Variants in PPP4R3A observed in about 807,000 individuals in gnomAD.
The protein encoded by PPP4R3A is protein phosphatase 4 regulatory subunit 3A.
A neutral mutation model predicts 91.7 loss-of-function variants in PPP4R3A; 15 were observed. The observed-to-expected ratio is 0.16, with a 90% confidence interval of 0.11 to 0.25. The LOEUF is 0.25. Among genes scored for constraint, PPP4R3A ranks in the 10% least tolerant of loss-of-function variants. The probability of loss-of-function intolerance (pLI) is 1.00; values close to 1 mark genes in which losing one functional copy is unlikely to be tolerated. For missense variants in PPP4R3A, 623 were observed against 998.4 expected, an observed-to-expected ratio of 0.62 and a Z score of 5.07; for synonymous variants, 377 against 348.7, an observed-to-expected ratio of 1.08 and a Z score of -0.91.
At position 91,458,791 on chromosome 14, in the gene PPP4R3A, G is replaced by A; in HGVS notation, c.2470C>T (p.Pro824Ser). 2 of 1,614,070 alleles carry A rather than the reference G, an allele frequency of 1.2e-6. No individual in the cohort carries two copies. The highest frequency in any genetic ancestry group is 2.2e-5 in the East Asian group (1 of 44,874). ...DEDEDKEDTLPLSKKAKFDS is the reference protein window; with the variant it reads ...DEDEDKEDTLSLSKKAKFDS ...TCAAATTTTGCTTTCTTTGACAATG[G>A]TAACGTATCTTCCTTATCTTCATCC... The change falls in exon 15 of 15, where the codon CCA (proline) becomes TCA (serine). Residue 824 changes from proline (P) to serine (S), a missense_variant. This residue lies in a region of PPP4R3A where 201 missense variants were observed against 229.9 expected (regional missense o/e 0.87). Transcript: ENST00000554943.
rs539710845 is a variant in PPP4R3A, at chr14:91,502,903, G to T, written c.142+6603C>A. Among the ~76,000 whole-genome samples, 4 of 152,340 alleles carry T rather than the reference G, an allele frequency of 2.6e-5. No homozygotes were observed. The East Asian group carries it at 7.7e-4, about 29-fold the overall frequency. On this transcript the variant is annotated intron_variant, in intron 1 of 14. Transcript: ENST00000554943. ...TTCTGGATGCCTTGGCAAGTACTTC[G>T]TAATAAGGAGCACAAATATGATTAT... is the stretch of plus-strand genomic sequence containing the variant.
chr14:91,473,209 T>C (rs577384042), intron 8 of PPP4R3A, 30 bp downstream of exon 8: 63 of 1,612,116 alleles, frequency 3.9e-5, no homozygotes, highest in South Asian at 2.1e-4. Context: ...ATACTAGCTA[T>C]GAAAAAGAGG....
At chr14:91,497,618 T>C (rs569435366) in intron 1 of PPP4R3A, among the ~76,000 whole-genome samples, 2 of 152,324 alleles carry the variant, frequency 1.3e-5, no homozygotes, top group East Asian at 3.9e-4. Context: ...AATTGATATG[T>C]GCACTTGGAC....
At chr14:91,471,109 A>T in intron 9 of PPP4R3A, 114 bp from the exon 10 acceptor site, 4 of 963,346 alleles carry the variant, frequency 4.2e-6, no homozygotes, top group Non-Finnish European at 5.9e-6. Context: ...TAAATATATT[A>T]ACTTTAGGGA....
In PPP4R3A at chr14:91,458,827, C is replaced by T. The variant is rs1887935012; in HGVS notation, c.2434G>A (p.Asp812Asn). ...TCCTTATCTTCATCCTCATCATCAT[C>T]TTCATCATCATCAGGATAATCTACC... The part of the protein sequence containing the change: ...GLVDYPDDDE[D>N]DDEDEDKEDT... Residue 812 changes from aspartate to asparagine, a missense_variant, in exon 15 of 15, where the codon GAT (aspartate) becomes AAT (asparagine). Asp to Asn is a conservative substitution (Grantham distance 23, BLOSUM62 1). Around this residue, in one of 5 missense-constraint regions of PPP4R3A, gnomAD observed 201 missense variants for 229.9 expected, o/e 0.87. Coordinates refer to ENST00000554943, the MANE Select transcript of PPP4R3A (RefSeq NM_001366432.2). 1 of 1,613,640 alleles carries T rather than the reference C, an allele frequency of 6.2e-7. No individual in the cohort carries two copies. The highest frequency in any genetic ancestry group is 8.5e-7 in the Non-Finnish European group (1 of 1,179,706).
chr14:91,478,883 A>T (rs945656961), intron 4 of PPP4R3A, among the ~76,000 whole-genome samples: 12 of 152,206 alleles, frequency 7.9e-5, no homozygotes, highest in African/African-American at 2.9e-4. Flanking sequence ...TTCTATACTT[A>T]ACAAATTCAG....
intron 1 of PPP4R3A, among the ~76,000 whole-genome samples, chr14:91,506,494 C>T (rs572598220): frequency 8.5e-5 from 13 of 152,230 alleles, no homozygotes; most frequent in South Asian, 2.1e-4. Context: ...TGTTAATCAT[C>T]GACTAAAGAT....
chr14:91,469,560 T>C (rs35732175), intron 10 of PPP4R3A, among the ~76,000 whole-genome samples: 37,850 of 152,216 alleles, frequency 0.25, 5,625 homozygotes, highest in Non-Finnish European at 0.35. Flanking sequence ...TTTTATAAAA[T>C]ATAAAATTTA....
intron 4 of PPP4R3A, among the ~76,000 whole-genome samples, chr14:91,480,227 A>G (rs1349501451): frequency 6.6e-6 from 1 of 152,204 alleles, no homozygotes; most frequent in Non-Finnish European, 1.5e-5. Flanking sequence ...ACATCATATT[A>G]AACACTTTCT....
At chr14:91,470,345 G>A (rs1348867634) in intron 10 of PPP4R3A, among the ~76,000 whole-genome samples, 1 of 152,126 alleles carries the variant, frequency 6.6e-6, no homozygotes, top group African/African-American at 2.4e-5. Flanking sequence ...GAACAATCTT[G>A]TTATGAGACT....
At chr14:91,485,568 G>A in intron 3 of PPP4R3A, 64 bp downstream of exon 3, 1 of 1,146,278 alleles carries the variant, frequency 8.7e-7, no homozygotes, top group Non-Finnish European at 1.3e-6. Context: ...GGCATTAGTT[G>A]AAAGCATGGC....
chr14:91,497,363 C>T (rs1321279926), intron 1 of PPP4R3A, among the ~76,000 whole-genome samples: 2 of 151,492 alleles, frequency 1.3e-5, no homozygotes, highest in East Asian at 3.9e-4. Flanking sequence ...CACACACACA[C>T]ACACACACAC....
intron 1 of PPP4R3A, among the ~76,000 whole-genome samples, chr14:91,499,251 C>T (rs567227986): frequency 1.7e-4 from 25 of 151,280 alleles, no homozygotes; most frequent in African/African-American, 4.9e-4. Flanking sequence ...GGCGACAGAG[C>T]GAGACCCTGT....
intron 1 of PPP4R3A, among the ~76,000 whole-genome samples, chr14:91,508,588 T>C (rs1891557175): frequency 6.6e-6 from 1 of 152,222 alleles, no homozygotes; most frequent in Non-Finnish European, 1.5e-5. Context: ...ATTCACTGTA[T>C]ATCGCCAAAA....
chr14:91,505,908 A>G (rs1288711280), intron 1 of PPP4R3A, among the ~76,000 whole-genome samples: 1 of 152,216 alleles, frequency 6.6e-6, no homozygotes, highest in African/African-American at 2.4e-5. Context: ...AGTCAACACA[A>G]AAACATCCAT....
chr14:91,495,479 G>A (rs1890500444), intron 1 of PPP4R3A, among the ~76,000 whole-genome samples: 1 of 151,956 alleles, frequency 6.6e-6, no homozygotes, highest in Admixed American at 6.6e-5. Context: ...GTCCAGATAG[G>A]TAAATTTAGA....
chr14:91,462,377 T>G, intron 12 of PPP4R3A, 138 bp from the exon 13 acceptor site: 3 of 931,734 alleles, frequency 3.2e-6, no homozygotes, highest in Non-Finnish European at 2.9e-6. Flanking sequence ...AATCCAGGTA[T>G]TTAGATTAAT....
chr14:91,501,347 C>T (rs1890937386), intron 1 of PPP4R3A, among the ~76,000 whole-genome samples: 1 of 152,154 alleles, frequency 6.6e-6, no homozygotes, highest in Non-Finnish European at 1.5e-5. Context: ...CAGCTCAACC[C>T]ATCAGCTTCT....
chr14:91,469,263 A>G (rs931298120), intron 10 of PPP4R3A, among the ~76,000 whole-genome samples: 12 of 152,200 alleles, frequency 7.9e-5, no homozygotes, highest in Non-Finnish European at 1.8e-4. Context: ...ATAATGTTTA[A>G]AAGTGTACAT....
Sources: gnomAD v4.1 joint callset for allele counts (sites outside exome capture counted in the v4.1 genomes callset) on GRCh38, gnomAD v4.1.1 for gene constraint, gnomAD v4.1.1 regional missense constraint, MANE v1.5 for transcripts, NCBI Gene and HGNC (gene_info 2026-07-23, HGNC 2026-07-21) for gene names.